Variants in HOMER1 observed in about 807,000 individuals in gnomAD.
The protein encoded by HOMER1 is homer protein homolog 1.
In HOMER1, 3 loss-of-function variants were observed where a neutral mutation model predicts 48.9. The observed-to-expected ratio is 0.06, with a 90% confidence interval of 0.03 to 0.16. The LOEUF is 0.16. Among genes scored for constraint, HOMER1 ranks in the 10% least tolerant of loss-of-function variants. The pLI, the probability that HOMER1 is intolerant of heterozygous loss-of-function variation, is 1.00. For synonymous variants in HOMER1, 134 were observed against 146.4 expected (o/e 0.92, Z 0.61); for missense variants, 247 against 411.4 (o/e 0.60, Z 3.46).
At chr5:79,398,527 A>T (rs1408273349) in intron 6 of HOMER1, among the ~76,000 whole-genome samples, 1 of 152,102 alleles carries the variant, frequency 6.6e-6, no homozygotes, top group Admixed American at 6.6e-5. Context: ...CTTCTCATGT[A>T]CTAATAGCCT....
intron 8 of HOMER1, among the ~76,000 whole-genome samples, chr5:79,378,491 A>C (rs1268548187): frequency 3.9e-5 from 6 of 152,170 alleles, no homozygotes; most frequent in Non-Finnish European, 8.8e-5. Flanking sequence ...AAGATAAGTA[A>C]ATTGAGAGGA....
chr5:79,389,648 C>T (rs1749198301), intron 8 of HOMER1, among the ~76,000 whole-genome samples: 1 of 152,178 alleles, frequency 6.6e-6, no homozygotes, highest in African/African-American at 2.4e-5. Flanking sequence ...AACAAGGCAA[C>T]ATCTTGGAAG....
At chr5:79,486,224 ACAGAGATGAGCTCTCTCT>A (rs1398455398) in intron 1 of HOMER1, among the ~76,000 whole-genome samples, 1 of 152,230 alleles carries the variant, frequency 6.6e-6, no homozygotes, top group Non-Finnish European at 1.5e-5. Context: ...GCCATATGGA[ACAGAGATGAGCTCTCTCT>A]CACAAACTCT....
chr5:79,384,800 TA>T (rs1749067807), intron 8 of HOMER1, among the ~76,000 whole-genome samples: 1 of 152,088 alleles, frequency 6.6e-6, no homozygotes, highest in Admixed American at 6.5e-5. Context: ...TGATACACCA[TA>T]ATCAAATGGG....
chr5:79,403,739 T>C (rs1282370248), intron 5 of HOMER1, among the ~76,000 whole-genome samples: 1 of 152,214 alleles, frequency 6.6e-6, no homozygotes, highest in East Asian at 1.9e-4. Flanking sequence ...TTACACAAGA[T>C]GTTAACATTA....
intron 5 of HOMER1, among the ~76,000 whole-genome samples, chr5:79,430,898 G>A (rs1284342165): frequency 6.6e-6 from 1 of 151,366 alleles, no homozygotes; most frequent in Non-Finnish European, 1.5e-5. Context: ...GATCCAGCCT[G>A]GCAACAGAGC....
At chr5:79,396,963 G>A in intron 7 of HOMER1, 60 bp from the exon 8 acceptor site, 1 of 874,868 alleles carries the variant, frequency 1.1e-6, no homozygotes, top group Non-Finnish European at 1.8e-6. Context: ...GGAAGGTCTT[G>A]TTTTTCCCTG....
chr5:79,467,919 G>A (rs756387979), intron 1 of HOMER1, among the ~76,000 whole-genome samples: 1 of 152,130 alleles, frequency 6.6e-6, no homozygotes, highest in Non-Finnish European at 1.5e-5. Flanking sequence ...TGGGACTACA[G>A]ATGAGCGTGC....
chr5:79,483,127 G>A (rs1406056050), intron 1 of HOMER1, among the ~76,000 whole-genome samples: 1 of 151,974 alleles, frequency 6.6e-6, no homozygotes, highest in Non-Finnish European at 1.5e-5. Context: ...ACTATGCCAA[G>A]GGCAAAGGGA....
At chr5:79,470,888 T>A (rs1751597589) in intron 1 of HOMER1, among the ~76,000 whole-genome samples, 1 of 152,142 alleles carries the variant, frequency 6.6e-6, no homozygotes, top group Non-Finnish European at 1.5e-5. Context: ...TATAAATAAG[T>A]GGATACTGTA....
chr5:79,427,464 C>G (rs1311476468), intron 5 of HOMER1, among the ~76,000 whole-genome samples: 1 of 152,132 alleles, frequency 6.6e-6, no homozygotes, highest in Non-Finnish European at 1.5e-5. Context: ...TCTTAGCTCA[C>G]CACAATTTTC....
chr5:79,413,655 A>T (rs1385257064), intron 5 of HOMER1, among the ~76,000 whole-genome samples: 6 of 150,982 alleles, frequency 4.0e-5, no homozygotes, highest in African/African-American at 1.5e-4. Flanking sequence ...CTGGAACACT[A>T]AATAAATATT....
At chr5:79,438,144 T>C (rs555626363) in intron 5 of HOMER1, among the ~76,000 whole-genome samples, 1 of 152,314 alleles carries the variant, frequency 6.6e-6, no homozygotes, top group South Asian at 2.1e-4. Context: ...TCAATTTTGC[T>C]TAATATGCCA....
At chr5:79,511,534 A>C (rs770169512) in intron 1 of HOMER1, among the ~76,000 whole-genome samples, 1 of 152,230 alleles carries the variant, frequency 6.6e-6, no homozygotes, top group Non-Finnish European at 1.5e-5. Flanking sequence ...CAGATCACTA[A>C]GCTACTAATA....
intron 1 of HOMER1, chr5:79,510,386 T>C: frequency 1.7e-6 from 1 of 576,556 alleles, no homozygotes; most frequent in Non-Finnish European, 3.3e-6. Flanking sequence ...ATTCATCCTG[T>C]CTCTTCAGAT....
At chr5:79,441,806 G>T (rs1468992078) in intron 4 of HOMER1, among the ~76,000 whole-genome samples, 1 of 151,970 alleles carries the variant, frequency 6.6e-6, no homozygotes, top group Non-Finnish European at 1.5e-5. Context: ...CTACCGCAGA[G>T]GTAGCCAAAA....
intron 1 of HOMER1, among the ~76,000 whole-genome samples, chr5:79,503,026 A>T (rs1752645331): frequency 6.6e-6 from 1 of 152,066 alleles, no homozygotes; most frequent in South Asian, 2.1e-4. Flanking sequence ...TGACCTCGTG[A>T]TCTGCCCGCC....
At chr5:79,377,782 A>C (rs990174237) in intron 8 of HOMER1, among the ~76,000 whole-genome samples, 1 of 152,236 alleles carries the variant, frequency 6.6e-6, no homozygotes, top group African/African-American at 2.4e-5. Flanking sequence ...GAGGACAAAC[A>C]CTAGGAATTA....
chr5:79,418,236 G>C (rs1749997224), intron 5 of HOMER1, among the ~76,000 whole-genome samples: 1 of 152,178 alleles, frequency 6.6e-6, no homozygotes, highest in Non-Finnish European at 1.5e-5. Flanking sequence ...TAAGCAAATG[G>C]AGATGATAGT....
Sources: gnomAD v4.1 joint callset for allele counts (sites outside exome capture counted in the v4.1 genomes callset) on GRCh38, gnomAD v4.1.1 for gene constraint, MANE v1.5 for transcripts, NCBI Gene and HGNC (gene_info 2026-07-23, HGNC 2026-07-21) for gene names.